The following CNTNAP2 variants were observed in gnomAD, a reference collection of about 807,000 sequenced individuals.
CNTNAP2 encodes the protein contactin-associated protein-like 2.
In CNTNAP2, 98 loss-of-function variants were observed where a neutral mutation model predicts 155.2. That is an observed-to-expected ratio of 0.63 (90% CI 0.54 to 0.75). The LOEUF (loss-of-function observed/expected upper bound fraction) is 0.75, where lower values mean the gene tolerates loss of function less well. CNTNAP2 is among the 30% of genes least tolerant of loss of function. The pLI, the probability that CNTNAP2 is intolerant of heterozygous loss-of-function variation, is 0.00. For missense variants in CNTNAP2, 1,727 were observed against 1,688.1 expected (o/e 1.02, Z -0.40); for synonymous variants, 651 against 631.2 (o/e 1.03, Z -0.47).
intron 9 of CNTNAP2, among the ~76,000 whole-genome samples, chr7:147,320,117 C>G (rs1795321233): frequency 6.6e-6 from 1 of 152,152 alleles, no homozygotes; most frequent in Non-Finnish European, 1.5e-5. Context: ...AGATTTTCCA[C>G]CATCTTTAGT....
intron 8 of CNTNAP2, among the ~76,000 whole-genome samples, chr7:147,134,396 G>C (rs1584747304): frequency 6.6e-6 from 1 of 151,688 alleles, no homozygotes; most frequent in Non-Finnish European, 1.5e-5. Context: ...TGTCAATTTA[G>C]CCAAGAATCT....
chr7:147,373,603 C>G (rs1217295364), intron 9 of CNTNAP2, among the ~76,000 whole-genome samples: 2 of 151,882 alleles, frequency 1.3e-5, no homozygotes, highest in East Asian at 3.9e-4. Context: ...ACAGAGACTT[C>G]TGGATTTGAC....
chr7:148,380,348 GA>G (rs1799026700), intron 21 of CNTNAP2, among the ~76,000 whole-genome samples: 2 of 152,178 alleles, frequency 1.3e-5, no homozygotes, highest in African/African-American at 4.8e-5. Flanking sequence ...AAGAAATATG[GA>G]ATCTTATTCC....
At chr7:146,977,593 A>G (rs1213544437) in intron 3 of CNTNAP2, among the ~76,000 whole-genome samples, 1 of 152,218 alleles carries the variant, frequency 6.6e-6, no homozygotes, top group African/African-American at 2.4e-5. Flanking sequence ...TTGAACACAT[A>G]ATCATGACAG....
rs138675597 is a variant in CNTNAP2, at chr7:146,689,008, A to G, written c.98-85263A>G. On this transcript the variant is annotated intron_variant, in intron 1 of 23. Transcript: ENST00000361727. Reference sequence around the variant, plus strand: ...AGCTTACATGATGCTTCAAAAAATAATTATAAATGTTGGCATTTTTAAAAC... The same window carrying G: ...AGCTTACATGATGCTTCAAAAAATAGTTATAAATGTTGGCATTTTTAAAAC... Among the ~76,000 whole-genome samples the G allele has an allele frequency of 2.2e-3, 340 of 152,300 alleles. 3 individuals carry two copies. The highest frequency in any genetic ancestry group is 8.1e-3 in the African/African-American group (335 of 41,568).
At chr7:146,232,772 CA>C (rs915501267) in intron 1 of CNTNAP2, among the ~76,000 whole-genome samples, 2 of 151,952 alleles carry the variant, frequency 1.3e-5, no homozygotes, top group African/African-American at 4.8e-5. Flanking sequence ...TAATAAGTGA[CA>C]AAAACAATGT....
At chr7:147,316,800 C>A (rs1209722387) in intron 9 of CNTNAP2, among the ~76,000 whole-genome samples, 1 of 152,272 alleles carries the variant, frequency 6.6e-6, no homozygotes, top group South Asian at 2.1e-4. Flanking sequence ...CTAAAAGATA[C>A]TGTGGCAAGT....
At chr7:147,855,036 T>G (rs2116675816) in intron 13 of CNTNAP2, among the ~76,000 whole-genome samples, 1 of 152,302 alleles carries the variant, frequency 6.6e-6, no homozygotes, top group South Asian at 2.1e-4. Context: ...ACACGAAAAT[T>G]GACTTTTAAA....
intron 3 of CNTNAP2, among the ~76,000 whole-genome samples, chr7:146,886,443 A>G (rs754326052): frequency 1.4e-4 from 21 of 152,096 alleles, no homozygotes; most frequent in Non-Finnish European, 2.5e-4. Context: ...GATATCTCCA[A>G]TGATTCACAT....
At position 146,257,854 on chromosome 7, in the gene CNTNAP2, T is replaced by C. The variant is rs932017189; in HGVS notation, c.97+140881T>C. Among the ~76,000 whole-genome samples, 16 of 152,046 alleles carry C rather than the reference T, an allele frequency of 1.1e-4. 1 individual carries two copies. The highest frequency in any genetic ancestry group is 3.9e-4 in the African/African-American group (16 of 41,320). ...TTCCAACGATGTGCTATCTGTACCT[T>C]TTTGTGCAATTGAGCCGCTTTGATT... On this transcript the variant is annotated intron_variant, in intron 1 of 23. Coordinates refer to ENST00000361727, the MANE Select transcript of CNTNAP2 (RefSeq NM_014141.6).
intron 1 of CNTNAP2, among the ~76,000 whole-genome samples, chr7:146,258,609 T>G (rs938780106): frequency 1.3e-5 from 2 of 152,170 alleles, no homozygotes; most frequent in Non-Finnish European, 2.9e-5. Context: ...AATATAAAGT[T>G]TACTTGTTAC....
intron 13 of CNTNAP2, among the ~76,000 whole-genome samples, chr7:147,737,094 C>T (rs141874910): frequency 1.4e-3 from 216 of 152,274 alleles, no homozygotes; most frequent in African/African-American, 4.5e-3. Flanking sequence ...GGTGGAGAGG[C>T]GCTCTGATTT....
intron 1 of CNTNAP2, among the ~76,000 whole-genome samples, chr7:146,713,677 T>C (rs1334760964): frequency 6.6e-6 from 1 of 152,134 alleles, no homozygotes; most frequent in African/African-American, 2.4e-5. Context: ...AGACAGTATA[T>C]CCAAACATGT....
At chr7:148,314,948 C>T (rs955891883) in intron 21 of CNTNAP2, among the ~76,000 whole-genome samples, 12 of 151,976 alleles carry the variant, frequency 7.9e-5, no homozygotes, top group Non-Finnish European at 1.8e-4. Flanking sequence ...AGGAAAGGAA[C>T]TGAAATTAAG....
intron 21 of CNTNAP2, among the ~76,000 whole-genome samples, chr7:148,337,215 C>T (rs1416900468): frequency 6.6e-6 from 1 of 152,078 alleles, no homozygotes; most frequent in Non-Finnish European, 1.5e-5. Context: ...TGCTGCTCCC[C>T]CTCCCTCTCT....
chr7:146,131,736 T>G (rs1797717126), intron 1 of CNTNAP2, among the ~76,000 whole-genome samples: 1 of 152,124 alleles, frequency 6.6e-6, no homozygotes, highest in South Asian at 2.1e-4. Flanking sequence ...TACTAGATGA[T>G]TATGCATCTG....
chr7:147,955,080 A>G (rs1303564612), intron 14 of CNTNAP2, among the ~76,000 whole-genome samples: 1 of 152,224 alleles, frequency 6.6e-6, no homozygotes, highest in Admixed American at 6.5e-5. Flanking sequence ...AAGGCTTTCC[A>G]AGTTCACTGT....
chr7:147,060,737 G>A (rs867770569), intron 4 of CNTNAP2, among the ~76,000 whole-genome samples: 12 of 152,030 alleles, frequency 7.9e-5, no homozygotes, highest in Admixed American at 6.6e-5. Context: ...GGTGGCGGGC[G>A]CCTGTAGTCC....
At chr7:147,074,048 G>C (rs1450511556) in intron 4 of CNTNAP2, among the ~76,000 whole-genome samples, 1 of 152,092 alleles carries the variant, frequency 6.6e-6, no homozygotes, top group Non-Finnish European at 1.5e-5. Context: ...TTATTTCTTG[G>C]TATATGACAG....
Sources: allele counts gnomAD v4.1 joint callset (sites outside exome capture counted in the v4.1 genomes callset), GRCh38; gene constraint gnomAD v4.1.1; transcripts MANE v1.5; gene names NCBI Gene and HGNC (gene_info 2026-07-23, HGNC 2026-07-21).